The following CLASP1 variants were observed in gnomAD, a reference collection of about 807,000 sequenced individuals.
CLASP1 encodes cytoplasmic linker associated protein 1.
A neutral mutation model predicts 192.3 loss-of-function variants in CLASP1; 38 were observed. The ratio of observed to expected loss-of-function variants is 0.20; its 90% CI spans 0.15 to 0.26. The LOEUF (loss-of-function observed/expected upper bound fraction) is 0.26. Ranked by LOEUF, CLASP1 falls within the 10% of genes least tolerant of loss-of-function variation. The probability of loss-of-function intolerance (pLI) is 1.00; values close to 1 mark genes in which losing one functional copy is unlikely to be tolerated. For missense variants in CLASP1, 1,433 were observed against 1,932.5 expected (o/e 0.74, Z 4.85); for synonymous variants, 691 against 712.8 (o/e 0.97, Z 0.49).
intron 19 of CLASP1, among the ~76,000 whole-genome samples, chr2:121,441,215 A>G (rs970144336): frequency 6.6e-6 from 1 of 152,148 alleles, no homozygotes; most frequent in Non-Finnish European, 1.5e-5. Flanking sequence ...TTTCTAGCAA[A>G]TTCCCAAATT....
At chr2:121,540,449 GCA>G in intron 2 of CLASP1, among the ~76,000 whole-genome samples, 1 of 152,052 alleles carries the variant, frequency 6.6e-6, no homozygotes, top group Non-Finnish European at 1.5e-5. Flanking sequence ...TCCAGTGTGG[GCA>G]AGATAGTGAG....
chr2:121,616,879 T>G (rs1040391392), intron 1 of CLASP1, among the ~76,000 whole-genome samples: 2 of 152,104 alleles, frequency 1.3e-5, no homozygotes, highest in African/African-American at 4.8e-5. Context: ...TCACAAAACT[T>G]TGTAGAGACT....
rs1159284078 is a variant in CLASP1 at position 121,384,007 on chromosome 2, T to TATATATAC, written c.3375-1684_3375-1683insGTATATAT. Among the ~76,000 whole-genome samples, 49 of 139,720 alleles carry TATATATAC rather than the reference T, an allele frequency of 3.5e-4. No individual in the cohort carries two copies. The East Asian group carries it at 5.2e-3, about 15-fold the overall frequency. The allele number at this position is 139,720 out of a possible 152,430, so 91.7% of individuals were successfully genotyped here. ...CACTGGTGAGATATATATATATATA[T>TATATATAC]ACACACACACACACACACACACACA... On this transcript the variant is annotated intron_variant, in intron 32 of 39. Transcript: ENST00000263710.
chr2:121,448,780 C>T (rs1165357821), intron 17 of CLASP1, among the ~76,000 whole-genome samples, 173 bp downstream of exon 17: 1 of 152,202 alleles, frequency 6.6e-6, no homozygotes, highest in Non-Finnish European at 1.5e-5. Context: ...ACCAAAGCAA[C>T]CTATTTCTCA....
intron 6 of CLASP1, among the ~76,000 whole-genome samples, chr2:121,524,664 T>C (rs1441959271): frequency 4.6e-5 from 7 of 152,126 alleles, no homozygotes; most frequent in Admixed American, 1.3e-4. Flanking sequence ...ACCATGTTGG[T>C]CTGGCTGGTC....
In CLASP1 at chr2:121,625,725, C is replaced by T. The variant is rs570070253; in HGVS notation, c.-285-19545G>A. On this transcript the variant is annotated intron_variant, in intron 1 of 39. Transcript: ENST00000263710. ...CTGGCATTACAAGCATGAGCCACCG[C>T]GCCCAGCCTGCTTGAGAAATTTTCT... Among the ~76,000 whole-genome samples the T allele has an allele frequency of 1.2e-4, 18 of 151,878 alleles. No homozygotes were observed. The South Asian group carries it at 1.7e-3, about 14-fold the overall frequency.
chr2:121,530,116 G>T, intron 3 of CLASP1, 131 bp downstream of exon 3: 1 of 725,588 alleles, frequency 1.4e-6, no homozygotes, highest in Non-Finnish European at 2.3e-6. Context: ...TGTTTGGGAG[G>T]AGCGGAAGGG....
chr2:121,419,096 C>A (rs1475590861), intron 22 of CLASP1, among the ~76,000 whole-genome samples: 1 of 152,136 alleles, frequency 6.6e-6, no homozygotes, highest in Non-Finnish European at 1.5e-5. Context: ...AACTTCTCAA[C>A]AAGAGGACAA....
intron 17 of CLASP1, 53 bp from the exon 18 acceptor site, chr2:121,448,378 C>G: frequency 7.5e-7 from 1 of 1,326,996 alleles, no homozygotes; most frequent in South Asian, 1.2e-5. Flanking sequence ...TGAATTAATA[C>G]AAATACAAAC....
chr2:121,342,317 C>T (rs1243525551), intron 39 of CLASP1, among the ~76,000 whole-genome samples: 1 of 152,078 alleles, frequency 6.6e-6, no homozygotes, highest in Non-Finnish European at 1.5e-5. Flanking sequence ...GGGGCTTTGC[C>T]ATGTTGACCA....
At chr2:121,485,684 T>C (rs2150114551) in intron 8 of CLASP1, among the ~76,000 whole-genome samples, 1 of 151,930 alleles carries the variant, frequency 6.6e-6, no homozygotes, top group East Asian at 1.9e-4. Flanking sequence ...GCCAACACAG[T>C]AAAACCCTGT....
Position 121,582,326 on chromosome 2 carries a change from GGA to G in CLASP1, c.195+23373_195+23374del, listed in dbSNP as rs1164293134. 3.5e-5 allele frequency among the ~76,000 whole-genome samples: 5 copies of G among 142,830 alleles called. No homozygotes were observed. In the South Asian group the frequency reaches 9.1e-4, roughly 26 times the overall value. The allele number at this position is 142,830 out of a possible 152,430, so 93.7% of individuals were successfully genotyped here. On this transcript the variant is annotated intron_variant, in intron 2 of 39. Transcript: ENST00000263710. Reference sequence around the variant, plus strand: ...AAGGGAGAGAGAGAGAAAGAGAAAGGGAGAGAGAGAGAAAGAGGAGGAGAGAG... The same window carrying G: ...AAGGGAGAGAGAGAGAAAGAGAAAGGGAGAGAGAGAAAGAGGAGGAGAGAG...
intron 19 of CLASP1, among the ~76,000 whole-genome samples, chr2:121,442,342 A>C (rs543221044): frequency 6.6e-6 from 1 of 152,196 alleles, no homozygotes; most frequent in Non-Finnish European, 1.5e-5. Flanking sequence ...TTCTTTACAA[A>C]AAGTATTTTT....
At chr2:121,348,251 T>C (rs1197901274) in intron 38 of CLASP1, among the ~76,000 whole-genome samples, 1 of 152,018 alleles carries the variant, frequency 6.6e-6, no homozygotes, top group African/African-American at 2.4e-5. Context: ...GACAAAAAAA[T>C]GATCAAAGTA....
intron 3 of CLASP1, among the ~76,000 whole-genome samples, chr2:121,529,268 T>C (rs1321578318): frequency 1.3e-5 from 2 of 152,156 alleles, no homozygotes; most frequent in East Asian, 3.9e-4. Flanking sequence ...TTCCCCGACA[T>C]ACCCAGGGTG....
chr2:121,571,683 G>C (rs1237039061), intron 2 of CLASP1, among the ~76,000 whole-genome samples: 2 of 152,178 alleles, frequency 1.3e-5, no homozygotes, highest in African/African-American at 4.8e-5. Context: ...CTTCAATCAT[G>C]AAAAGAAGTT....
chr2:121,583,489 A>T (rs1360457147), intron 2 of CLASP1, among the ~76,000 whole-genome samples: 2 of 152,222 alleles, frequency 1.3e-5, no homozygotes, highest in Non-Finnish European at 2.9e-5. Flanking sequence ...ATACATGGTG[A>T]TTATCTTCAT....
At chr2:121,648,602 C>T (rs1333921856) in intron 1 of CLASP1, among the ~76,000 whole-genome samples, 1 of 152,144 alleles carries the variant, frequency 6.6e-6, no homozygotes, top group Admixed American at 6.5e-5. Flanking sequence ...GCTCGGAAAA[C>T]GGAAAGCAAA....
chr2:121,548,151 C>T (rs1479980385), intron 2 of CLASP1, among the ~76,000 whole-genome samples: 2 of 152,030 alleles, frequency 1.3e-5, no homozygotes, highest in Non-Finnish European at 2.9e-5. Flanking sequence ...AAACTCAATC[C>T]AAGGAAAGTA....
Sources: gnomAD v4.1 joint callset for allele counts (sites outside exome capture counted in the v4.1 genomes callset) on GRCh38, gnomAD v4.1.1 for gene constraint, MANE v1.5 for transcripts, NCBI Gene and HGNC (gene_info 2026-07-23, HGNC 2026-07-21) for gene names.